The following SLC27A1 variants were observed in gnomAD, a reference collection of about 807,000 sequenced individuals.
SLC27A1 encodes long-chain fatty acid transport protein 1.
A neutral mutation model predicts 62.2 loss-of-function variants in SLC27A1; 61 were observed. That is an observed-to-expected ratio of 0.98 (90% CI 0.80 to 1.21). The LOEUF (loss-of-function observed/expected upper bound fraction) is 1.21. Ranked by LOEUF, SLC27A1 falls within the 50% of genes most tolerant of loss-of-function variation. The pLI, the probability that SLC27A1 is intolerant of heterozygous loss-of-function variation, is 0.00. For missense variants in SLC27A1, 903 were observed against 932.1 expected (o/e 0.97, Z 0.41); for synonymous variants, 435 against 408.6 (o/e 1.06, Z -0.78).
At chr19:17,478,325 G>C (rs1247960465) in intron 1 of SLC27A1, among the ~76,000 whole-genome samples, 1 of 151,626 alleles carries the variant, frequency 6.6e-6, no homozygotes, top group African/African-American at 2.4e-5. Flanking sequence ...AAATTAGCCA[G>C]GTGTGGTGGC....
intron 1 of SLC27A1, among the ~76,000 whole-genome samples, chr19:17,483,356 T>C (rs1220798803): frequency 6.6e-6 from 1 of 151,994 alleles, no homozygotes; most frequent in African/African-American, 2.4e-5. Context: ...ATGGGCCATG[T>C]GGTGCCTGGA....
At chr19:17,502,180 T>G (rs2075421922) in intron 11 of SLC27A1, among the ~76,000 whole-genome samples, 1 of 152,042 alleles carries the variant, frequency 6.6e-6, no homozygotes, top group South Asian at 2.1e-4. Context: ...CCAAACCATT[T>G]ACTCATCCTA....
At chr19:17,481,573 G>C (rs753545737) in intron 1 of SLC27A1, among the ~76,000 whole-genome samples, 2 of 152,118 alleles carry the variant, frequency 1.3e-5, no homozygotes, top group Admixed American at 6.6e-5. Flanking sequence ...ACACAATCTC[G>C]GTTCACTGCA....
rs899577510 is a variant in SLC27A1, at chr19:17,504,720, C to T, written c.*108C>T. 7.0e-7 allele frequency: 1 copy of T among 1,425,986 alleles called. No homozygotes were observed. The highest frequency in any genetic ancestry group is 1.2e-5 in the South Asian group (1 of 83,584). 88.3% of individuals were successfully genotyped at this position (1,425,986 alleles called of 1,614,324 possible). ...CCTAGTACACACCCACCTGGCCGAG[C>T]TGTACCTGGCACGGCCCATCCTGGA... On this transcript the variant is annotated 3_prime_UTR_variant, in exon 12 of 12. Transcript: ENST00000252595.
At position 17,505,311 on chromosome 19, in the gene SLC27A1, C is replaced by A. The variant is rs1490795560; in HGVS notation, c.*699C>A. 2 of 173,420 alleles carry A rather than the reference C, an allele frequency of 1.2e-5. No individual in the cohort carries two copies. Among genetic ancestry groups the A allele is most frequent in the Non-Finnish European group, 2.5e-5 (2 of 79,870 alleles). 10.7% of individuals were successfully genotyped at this position (173,420 alleles called of 1,614,324 possible). ...GGAATCATCTCCCCTGGGCCCTGGA[C>A]TCGGACTGGGGCCTCCCCACCTCCC... On this transcript the variant is annotated 3_prime_UTR_variant, in exon 12 of 12. Coordinates refer to ENST00000252595, the MANE Select transcript of SLC27A1 (RefSeq NM_198580.3).
chr19:17,470,658 G>A lies in SLC27A1; in HGVS notation c.118G>A (p.Gly40Ser), dbSNP rs968909857. 44 of 1,578,828 alleles carry A rather than the reference G, an allele frequency of 2.8e-5. No homozygotes were observed. Among genetic ancestry groups the A allele is most frequent in the Non-Finnish European group, 3.3e-5 (39 of 1,169,292 alleles). Residue 40 changes from glycine to serine, a missense_variant, in exon 1 of 12, where the codon GGC (glycine) becomes AGC (serine). Coordinates refer to ENST00000252595, the MANE Select transcript of SLC27A1 (RefSeq NM_198580.3). The stretch of plus-strand genomic sequence containing the variant: ...GCTCGGCGTGTACGTGGGCAGCGGC[G>A]GCTGGCGCTTCCTGCGCATCGTCTG... ...AALGVYVGSG[G>S]WRFLRIVCKT...
At chr19:17,475,671 G>A (rs754239809) in intron 1 of SLC27A1, among the ~76,000 whole-genome samples, 4 of 152,190 alleles carry the variant, frequency 2.6e-5, no homozygotes, top group African/African-American at 4.8e-5. Flanking sequence ...CCACTGTGCC[G>A]CACTGGAGTG....
Position 17,487,338 on chromosome 19 carries a change from G to T in SLC27A1, c.724+3G>T. On this transcript the variant is annotated splice_donor_region_variant and intron_variant, in intron 3 of 11. Coordinates refer to ENST00000252595, the MANE Select transcript of SLC27A1 (RefSeq NM_198580.3). ...GATCCCCAGCAAGGGCATGGACGGT[G>T]AGTCAAGGGTGGGACCCCTGCTCTA... 2 of 1,606,494 alleles carry T rather than the reference G, an allele frequency of 1.2e-6. No individual in the cohort carries two copies. The highest frequency in any genetic ancestry group is 1.7e-6 in the Non-Finnish European group (2 of 1,177,108).
intron 3 of SLC27A1, 47 bp downstream of exon 3, chr19:17,487,382 G>A: frequency 2.3e-6 from 2 of 857,440 alleles, no homozygotes; most frequent in Non-Finnish European, 3.3e-6. Context: ...TTTCCTACCC[G>A]CCCAGGCCCC....
At chr19:17,488,119 G>A (rs1416696706) in intron 4 of SLC27A1, among the ~76,000 whole-genome samples, 2 of 152,246 alleles carry the variant, frequency 1.3e-5, no homozygotes, top group Non-Finnish European at 2.9e-5. Context: ...AACACTTTGG[G>A]AGGCTGAGGC....
At chr19:17,491,201 TA>T (rs34812908) in intron 6 of SLC27A1, 1,783 of 143,098 alleles carry the variant, frequency 0.012, 31 homozygotes, top group African/African-American at 0.039. Flanking sequence ...ATTCCATCTT[TA>T]AAAAAAAAAA....
intron 1 of SLC27A1, among the ~76,000 whole-genome samples, chr19:17,472,394 CAAAA>C (rs1241729442): frequency 1.5e-5 from 1 of 65,772 alleles, no homozygotes; most frequent in African/African-American, 5.6e-5. Flanking sequence ...GACTCCGTCT[CAAAA>C]AAAAAAAAAA....
intron 1 of SLC27A1, among the ~76,000 whole-genome samples, chr19:17,477,240 C>CTTTTTTGTTTTTTTTTTT (rs2075132439): frequency 2.3e-5 from 1 of 43,808 alleles, no homozygotes; most frequent in Non-Finnish European, 4.0e-5. Flanking sequence ...ATGAGCAGCG[C>CTTTTTTGTTTTTTTTTTT]TTTTTTTTTT....
intron 1 of SLC27A1, among the ~76,000 whole-genome samples, chr19:17,481,352 T>C (rs1469176001): frequency 6.8e-6 from 1 of 147,234 alleles, no homozygotes; most frequent in Non-Finnish European, 1.5e-5. Flanking sequence ...AGTCTCAATC[T>C]GTCACCCAGG....
rs1250259100 is a variant in SLC27A1, at chr19:17,500,288, G to A, written c.1217G>A (p.Cys406Tyr). The A allele has an allele frequency of 3.1e-6, 5 of 1,614,122 alleles. No homozygotes were observed. The change falls in exon 8 of 12, where the codon TGT becomes TAT. Residue 406 changes from cysteine (C) to tyrosine (Y), a missense_variant. Cys to Tyr is a radical substitution (Grantham distance 194). Transcript: ENST00000252595. ...IANMDGKVGS[C>Y]GFNSRILPHV... Reference sequence around the variant, plus strand: ...TTCACCCCATTCCAGGTCGGCTCCTGTGGTTTCAACAGCCGCATCCTGCCC... The same window carrying A: ...TTCACCCCATTCCAGGTCGGCTCCTATGGTTTCAACAGCCGCATCCTGCCC...
chr19:17,493,132 A>C (rs1191305470), intron 6 of SLC27A1, among the ~76,000 whole-genome samples: 2 of 148,776 alleles, frequency 1.3e-5, no homozygotes, highest in African/African-American at 2.5e-5. Context: ...CAAAAAAAAA[A>C]AAAGAAAAAT....
At chr19:17,494,195 T>C (rs924249337) in intron 6 of SLC27A1, among the ~76,000 whole-genome samples, 2 of 151,206 alleles carry the variant, frequency 1.3e-5, no homozygotes, top group African/African-American at 4.9e-5. Flanking sequence ...ATTTTTTTTT[T>C]GTATTTTTTA....
rs1406088084 is a variant in SLC27A1, at chr19:17,486,662, G to A, written c.267G>A (p.Gln89=). ...PRIFQAVVQR[Q]PERLALVDAG... is the part of the protein sequence containing the mutation. ...TCTTTCAGGCGGTAGTGCAGCGACA[G>A]CCCGAGCGCCTGGCGCTGGTGGATG... is the stretch of plus-strand genomic sequence containing the variant. Residue 89 remains glutamine (Q), a synonymous_variant, in exon 2 of 12, where the codon CAG becomes CAA. Coordinates refer to ENST00000252595, the MANE Select transcript of SLC27A1 (RefSeq NM_198580.3). This position sits in a 1 kb window ranked among gnomAD's most constrained non-coding sequence, Gnocchi z 6.6. 1 of 1,608,618 alleles carries A rather than the reference G, an allele frequency of 6.2e-7. No homozygotes were observed. The highest frequency in any genetic ancestry group is 8.5e-7 in the Non-Finnish European group (1 of 1,179,476).
At chr19:17,469,540 G>T (rs941708146), upstream of SLC27A1, among the ~76,000 whole-genome samples, 12 of 151,984 alleles carry the variant, frequency 7.9e-5, no homozygotes, top group Admixed American at 5.2e-4. Flanking sequence ...GGTGGGGCAA[G>T]GCTTGGTTGT....
Sources: gnomAD v4.1 joint callset for allele counts (sites outside exome capture counted in the v4.1 genomes callset) on GRCh38, gnomAD v4.1.1 for gene constraint, Gnocchi (gnomAD v3.1) non-coding constraint, MANE v1.5 for transcripts, NCBI Gene and HGNC (gene_info 2026-07-23, HGNC 2026-07-21) for gene names.